The following DMD variants were observed in gnomAD, a reference collection of about 807,000 sequenced individuals.
DMD encodes the protein mutant dystrophin.
In DMD, 63 loss-of-function variants were observed where a neutral mutation model predicts 330.1. That is an observed-to-expected ratio of 0.19 (90% confidence interval 0.16 to 0.24). The LOEUF (loss-of-function observed/expected upper bound fraction) is 0.24, where lower values mean the gene tolerates loss of function less well. DMD is among the 10% of genes least tolerant of loss of function. The pLI is 1.00. For synonymous variants in DMD, 1,223 were observed against 959.8 expected, an observed-to-expected ratio of 1.27 and a Z score of -5.07; for missense variants, 3,344 against 2,684.1, an observed-to-expected ratio of 1.25 and a Z score of -5.43.
At chrX:33,196,468 G>T (rs1255907409) in intron 1 of DMD, among the ~76,000 whole-genome samples, 3 of 111,387 alleles carry the variant, frequency 2.7e-5, no homozygotes, top group African/African-American at 9.8e-5. Flanking sequence ...CAATTACAAG[G>T]TGGGATTTTC....
intron 48 of DMD, among the ~76,000 whole-genome samples, chrX:31,854,458 C>T (rs1331414415): frequency 1.8e-5 from 2 of 111,884 alleles, no homozygotes; most frequent in African/African-American, 3.3e-5. Flanking sequence ...AGTGCAAACA[C>T]TCTGCTATGC....
chrX:32,522,190 T>C (rs929000955), intron 17 of DMD, among the ~76,000 whole-genome samples: 7 of 111,951 alleles, frequency 6.3e-5, no homozygotes, highest in African/African-American at 2.3e-4. Flanking sequence ...ACACATACAT[T>C]CTCTGTCTCC....
At chrX:32,593,756 G>C (rs1242706027) in intron 13 of DMD, among the ~76,000 whole-genome samples, 2 of 112,331 alleles carry the variant, frequency 1.8e-5, no homozygotes, top group African/African-American at 6.5e-5. Flanking sequence ...CTCTAAAACT[G>C]AAGACTATAT....
At chrX:33,291,070 G>A (rs1164306756) in intron 1 of DMD, among the ~76,000 whole-genome samples, 2 of 110,992 alleles carry the variant, frequency 1.8e-5, no homozygotes, top group African/African-American at 3.3e-5. Flanking sequence ...CGATTAAGTC[G>A]ACTTCATCCC....
At chrX:32,421,175 T>C (rs2098188039) in intron 29 of DMD, among the ~76,000 whole-genome samples, 1 of 112,579 alleles carries the variant, frequency 8.9e-6, no homozygotes. Context: ...GAGAAGTTGA[T>C]GTGCAAGGCA....
At chrX:31,284,557 T>TTTCTTCTTCTTCTTCTTCTTCTTCTTTC in intron 62 of DMD, among the ~76,000 whole-genome samples, 1 of 78,070 alleles carries the variant, frequency 1.3e-5, no homozygotes, top group African/African-American at 5.2e-5. Context: ...TAACGAACTG[T>TTTCTTCTTCTTCTTCTTCTTCTTCTTTC]TTCTTCTTCT....
At chrX:32,919,018 T>C (rs992560446) in intron 2 of DMD, among the ~76,000 whole-genome samples, 5 of 112,093 alleles carry the variant, frequency 4.5e-5, no homozygotes, top group African/African-American at 1.6e-4. Context: ...GGAAACAGCA[T>C]TCCAGGTCTA....
At chrX:32,842,931 C>T (rs2080303163) in intron 4 of DMD, among the ~76,000 whole-genome samples, 1 of 111,190 alleles carries the variant, frequency 9.0e-6, no homozygotes, top group African/African-American at 3.3e-5. Context: ...CTCAGCCTCC[C>T]GAGTAGCTGG....
At chrX:33,150,646 CT>C (rs1471176660) in intron 1 of DMD, among the ~76,000 whole-genome samples, 1 of 108,494 alleles carries the variant, frequency 9.2e-6, no homozygotes, top group African/African-American at 3.4e-5. Flanking sequence ...ACCTGAGAGC[CT>C]TTTTTCCACT....
chrX:32,817,114 C>G (rs916992003), intron 5 of DMD, among the ~76,000 whole-genome samples: 8 of 111,924 alleles, frequency 7.1e-5, no homozygotes, highest in African/African-American at 2.6e-4. Flanking sequence ...TTAACCTCTT[C>G]TAGGCCTCAT....
At chrX:33,016,036 A>G (rs2093796011) in intron 2 of DMD, among the ~76,000 whole-genome samples, 1 of 110,538 alleles carries the variant, frequency 9.0e-6, no homozygotes, top group Non-Finnish European at 1.9e-5. Flanking sequence ...AGTTTTGCCC[A>G]GGCCTTTCCT....
Position 33,270,491 on chromosome X carries a change from T to G in DMD, c.7+68768A>C, listed in dbSNP as rs759500425. ...ATTTGCATGGCTCTACGTGGGTCCT[T>G]CTGCTTTTGCAATACCTTGGGACAT... On this transcript the variant is annotated intron_variant, in intron 1 of 17. Transcript: ENST00000288447. 8.1e-5 allele frequency among the ~76,000 whole-genome samples: 9 copies of G among 111,490 alleles called. No homozygotes were observed. In the East Asian group the frequency reaches 2.6e-3, roughly 32 times the overall value.
intron 7 of DMD, among the ~76,000 whole-genome samples, chrX:32,777,276 T>TGGGG (rs1373161447): frequency 2.0e-3 from 1 of 506 alleles, no homozygotes. Context: ...TGGTTTCTGG[T>TGGGG]TGGGGGGGGA....
chrX:31,411,315 C>T (rs17338514), intron 60 of DMD, among the ~76,000 whole-genome samples: 13,998 of 110,878 alleles, frequency 0.13, 848 homozygotes, highest in East Asian at 0.42. Context: ...TCAGAACTTA[C>T]TTTAGGCCAC....
chrX:32,949,350 A>G (rs182416625), intron 2 of DMD, among the ~76,000 whole-genome samples: 6,653 of 48,182 alleles, frequency 0.14, 302 homozygotes, highest in Non-Finnish European at 0.16. Context: ...AGGTAGATAG[A>G]TAGATAGATA....
chrX:32,548,787 T>C lies in DMD; in HGVS notation c.1993-3453A>G, dbSNP rs972381189. Among the ~76,000 whole-genome samples the C allele has an allele frequency of 3.6e-5, 4 of 111,676 alleles. No individual in the cohort carries two copies. In the Admixed American group the frequency reaches 3.8e-4, roughly 11 times the overall value. The stretch of plus-strand genomic sequence containing the variant: ...GTTTGTTTTAAATCTATCATTTCTA[T>C]TTATATATTAAGATCTATGGAATCA... On this transcript the variant is annotated intron_variant, in intron 16 of 78. Transcript: ENST00000357033.
intron 9 of DMD, among the ~76,000 whole-genome samples, chrX:32,649,625 G>T (rs2060014403): frequency 9.9e-6 from 1 of 100,964 alleles, no homozygotes; most frequent in Non-Finnish European, 2.0e-5. Context: ...AATCAGGGAT[G>T]ATAAATGACT....
intron 1 of DMD, among the ~76,000 whole-genome samples, chrX:33,335,088 A>G (rs372994055): frequency 3.6e-5 from 4 of 110,978 alleles, no homozygotes; most frequent in Non-Finnish European, 7.6e-5. Context: ...GTATTCTTCA[A>G]CTTTTCACTT....
At chrX:33,294,319 A>T (rs1409510267) in intron 1 of DMD, among the ~76,000 whole-genome samples, 3 of 111,229 alleles carry the variant, frequency 2.7e-5, no homozygotes, top group Non-Finnish European at 5.7e-5. Context: ...GCATCCATGG[A>T]GCCCCTGACA....
Sources: allele counts gnomAD v4.1 joint callset (sites outside exome capture counted in the v4.1 genomes callset), GRCh38; gene constraint gnomAD v4.1.1; transcripts MANE v1.5; gene names NCBI Gene and HGNC (gene_info 2026-07-23, HGNC 2026-07-21).